Variants in HOMER2 observed in about 807,000 individuals in gnomAD.
HOMER2 encodes the protein homer protein homolog 2.
HOMER2 carries 27 observed loss-of-function variants against 47.0 expected under a neutral mutation model. The ratio of observed to expected loss-of-function variants is 0.57; its 90% CI spans 0.42 to 0.79. The LOEUF is 0.79. HOMER2 is among the 30% of genes least tolerant of loss of function. The pLI is 0.00. For missense variants in HOMER2, 443 were observed against 435.0 expected (o/e 1.02, Z -0.16); for synonymous variants, 161 against 163.8 (o/e 0.98, Z 0.13).
intron 1 of HOMER2, among the ~76,000 whole-genome samples, chr15:82,918,243 A>G (rs1417987093): frequency 6.6e-6 from 1 of 152,210 alleles, no homozygotes; most frequent in Non-Finnish European, 1.5e-5. Context: ...GCAGTGACTC[A>G]GGATGAGTAC....
At chr15:82,900,662 T>TA (rs147273599) in intron 1 of HOMER2, among the ~76,000 whole-genome samples, 2,278 of 152,160 alleles carry the variant, frequency 0.015, 46 homozygotes, top group African/African-American at 0.049. Flanking sequence ...CCTAAAGAAG[T>TA]GAGTGCATGA....
intron 2 of HOMER2, among the ~76,000 whole-genome samples, chr15:82,878,364 G>T (rs77896883): frequency 2.0e-5 from 3 of 152,126 alleles, no homozygotes; most frequent in African/African-American, 7.2e-5. Flanking sequence ...TGGCGAAACT[G>T]AGGCTTAACA....
At chr15:82,838,310 G>A (rs981786063) in exon 2 of HOMER2, 4 of 152,356 alleles carry the variant, frequency 2.6e-5, no homozygotes, top group African/African-American at 9.6e-5. Flanking sequence ...CAAGAGAAAG[G>A]GCACAGAGAT....
At position 82,874,972 on chromosome 15, in the gene HOMER2, T is replaced by G. The variant is rs1439542672; in HGVS notation, c.294+301A>C. Among the ~76,000 whole-genome samples, 5 of 152,112 alleles carry G rather than the reference T, an allele frequency of 3.3e-5. No individual in the cohort carries two copies. The East Asian group carries it at 9.7e-4, about 29-fold the overall frequency. ...ACAAGCCAGCGCTCAGTCTGTGCGCTGATACCACCGGGCACAGGGAGCAGT... is the reference window on the plus strand; with the variant it reads ...ACAAGCCAGCGCTCAGTCTGTGCGCGGATACCACCGGGCACAGGGAGCAGT... On this transcript the variant is annotated intron_variant, in intron 3 of 8. Transcript: ENST00000450735.
intron 3 of HOMER2, among the ~76,000 whole-genome samples, chr15:82,869,147 T>C (rs2052093814): frequency 6.6e-6 from 1 of 152,184 alleles, no homozygotes; most frequent in Non-Finnish European, 1.5e-5. Context: ...CACAGGGCTG[T>C]AACACTGCCA....
intron 3 of HOMER2, 120 bp from the exon 4 acceptor site, chr15:82,864,379 G>T (rs1019374649): frequency 3.3e-6 from 2 of 607,342 alleles, no homozygotes; most frequent in African/African-American, 3.7e-5. Flanking sequence ...AAATCCAGAA[G>T]AATTTTATTT....
chr15:82,945,799 T>C (rs892008782), intron 1 of HOMER2, among the ~76,000 whole-genome samples: 2 of 151,938 alleles, frequency 1.3e-5, no homozygotes, highest in African/African-American at 4.8e-5. Context: ...TGAAATCCCA[T>C]CTCTACTAAA....
intron 2 of HOMER2, among the ~76,000 whole-genome samples, chr15:82,889,905 A>T (rs1307893406): frequency 6.6e-6 from 1 of 152,088 alleles, no homozygotes; most frequent in Non-Finnish European, 1.5e-5. Context: ...CCCATCCCCA[A>T]TCCCTGAATG....
chr15:82,983,651 C>T (rs1157673991), intron 1 of HOMER2, among the ~76,000 whole-genome samples: 1 of 151,750 alleles, frequency 6.6e-6, no homozygotes. Context: ...GGCAGTGGTG[C>T]AATCTCGGCT....
intron 4 of HOMER2, among the ~76,000 whole-genome samples, chr15:82,860,956 T>TGAGAGAGAGAGA (rs56063630): frequency 9.2e-4 from 39 of 42,420 alleles, no homozygotes; most frequent in African/African-American, 1.8e-3. Context: ...AGATAGAAGA[T>TGAGAGAGAGAGA]GAGAGAGAGA....
In HOMER2 at chr15:82,854,768, A is replaced by G; in HGVS notation, c.527T>C (p.Leu176Pro). The G allele has an allele frequency of 6.2e-7, 1 of 1,611,360 alleles. No individual in the cohort carries two copies. Among genetic ancestry groups the G allele is most frequent in the African/African-American group, 1.3e-5 (1 of 75,058 alleles). Residue 176 changes from leucine to proline, a missense_variant, in exon 6 of 9, where the codon CTG (leucine) becomes CCG (proline). Leu to Pro is a moderately conservative substitution (Grantham distance 98). Transcript: ENST00000450735. ...TGCATTGCTCTCCCGAAGGGTCTGCAGCTCGATCTCCCACTTCTTCACGTT... is the reference window on the plus strand; with the variant it reads ...TGCATTGCTCTCCCGAAGGGTCTGCGGCTCGATCTCCCACTTCTTCACGTT... ...AANVKKWEIE[L>P]QTLRESNARL... is the part of the protein sequence containing the mutation.
chr15:82,938,091 G>A (rs987564821), intron 1 of HOMER2, among the ~76,000 whole-genome samples: 1 of 152,148 alleles, frequency 6.6e-6, no homozygotes, highest in Non-Finnish European at 1.5e-5. Context: ...TGCCAGCTCA[G>A]CTGGGCATGG....
chr15:82,986,129 C>T (rs566306958), upstream of HOMER2: 3 of 985,336 alleles, frequency 3.0e-6, no homozygotes, highest in South Asian at 4.7e-5. Flanking sequence ...CGATCTGTTG[C>T]AAAGCGATCC....
At chr15:82,901,260 T>G (rs373604860) in intron 1 of HOMER2, among the ~76,000 whole-genome samples, 14 of 151,078 alleles carry the variant, frequency 9.3e-5, no homozygotes, top group African/African-American at 3.2e-4. Flanking sequence ...ACAGGCAGAG[T>G]TGTGGAGAAG....
At chr15:82,958,911 C>G (rs1188670525) in exon 2 of HOMER2, 3 of 152,420 alleles carry the variant, frequency 2.0e-5, no homozygotes, top group Non-Finnish European at 2.9e-5. Context: ...CTGCAAGTGC[C>G]CCCAGGGGCA....
intron 1 of HOMER2, among the ~76,000 whole-genome samples, chr15:82,903,136 G>T (rs2053176530): frequency 6.6e-6 from 1 of 152,230 alleles, no homozygotes. Flanking sequence ...GCTGAAGGGG[G>T]AAGAGACCGG....
intron 1 of HOMER2, among the ~76,000 whole-genome samples, chr15:82,924,454 C>T (rs2053809596): frequency 6.6e-6 from 1 of 151,094 alleles, no homozygotes; most frequent in Admixed American, 6.6e-5. Flanking sequence ...CAAAGGGCCA[C>T]ATGGCTTGTG....
chr15:82,896,126 T>G (rs997751692), intron 1 of HOMER2, among the ~76,000 whole-genome samples: 1 of 151,784 alleles, frequency 6.6e-6, no homozygotes, highest in Admixed American at 6.5e-5. Flanking sequence ...GGTCTCTGGA[T>G]GCAAAGGATG....
chr15:82,919,368 G>T (rs900880619), intron 1 of HOMER2, among the ~76,000 whole-genome samples: 8 of 152,212 alleles, frequency 5.3e-5, no homozygotes, highest in Admixed American at 1.3e-4. Context: ...TTGGCCTGTT[G>T]GCCAGACGCC....
Sources: allele counts gnomAD v4.1 joint callset (sites outside exome capture counted in the v4.1 genomes callset), GRCh38; gene constraint gnomAD v4.1.1; transcripts MANE v1.5; gene names NCBI Gene and HGNC (gene_info 2026-07-23, HGNC 2026-07-21).